SUGCT: variants seen among roughly 807,000 people sequenced by gnomAD.
The protein encoded by SUGCT is succinyl-CoA:glutarate-CoA transferase, also known as succinyl-CoA:glutarate CoA-transferase.
In SUGCT, 41 loss-of-function variants were observed where a neutral mutation model predicts 55.0. The ratio of observed to expected loss-of-function variants is 0.74; its 90% CI spans 0.58 to 0.97. SUGCT has a LOEUF of 0.97. Ranked by LOEUF, SUGCT falls within the 50% of genes least tolerant of loss-of-function variation. SUGCT has a pLI of 0.00. For synonymous variants in SUGCT, 187 were observed against 200.4 expected (o/e 0.93, Z 0.56); for missense variants, 568 against 547.8 (o/e 1.04, Z -0.37).
chr7:40,903,187 A>T, the SUGCT span, among the ~76,000 whole-genome samples: 2 of 151,938 alleles, frequency 1.3e-5, no homozygotes, highest in Non-Finnish European at 1.5e-5. Context: ...GCGTGTCACC[A>T]CTTGCAGGTA....
chr7:40,720,512 A>T (rs1044014591), intron 12 of SUGCT, among the ~76,000 whole-genome samples: 4 of 152,194 alleles, frequency 2.6e-5, no homozygotes, highest in Admixed American at 2.6e-4. Context: ...CCCAAAATGT[A>T]TATGGAATCT....
rs372132697 is a variant in SUGCT, at chr7:40,500,884, A to C, written c.1089+4498A>C. Among the ~76,000 whole-genome samples the C allele has an allele frequency of 3.2e-3, 481 of 151,658 alleles. 3 individuals carry two copies. Among genetic ancestry groups the C allele is most frequent in the African/African-American group, 0.011 (462 of 41,420 alleles). On this transcript the variant is annotated intron_variant, in intron 12 of 13. Transcript: ENST00000335693. ...ACACACACAGACACGCACACACACAAACACATACACATACACATACACACA... is the reference window on the plus strand; with the variant it reads ...ACACACACAGACACGCACACACACACACACATACACATACACATACACACA...
At chr7:40,564,053 G>A (rs1795992894) in intron 12 of SUGCT, among the ~76,000 whole-genome samples, 1 of 152,210 alleles carries the variant, frequency 6.6e-6, no homozygotes, top group Non-Finnish European at 1.5e-5. Flanking sequence ...GGGTTGTTGA[G>A]TTGTAGGTGA....
intron 3 of SUGCT, among the ~76,000 whole-genome samples, chr7:40,182,389 A>G (rs1010469576): frequency 1.3e-5 from 2 of 152,060 alleles, no homozygotes; most frequent in South Asian, 2.1e-4. Flanking sequence ...CAACATGGTG[A>G]AACCTCTTCT....
chr7:40,895,128 T>TAA, the SUGCT span, among the ~76,000 whole-genome samples: 1 of 152,046 alleles, frequency 6.6e-6, no homozygotes, highest in Non-Finnish European at 1.5e-5. Context: ...TATGTAGCCA[T>TAA]AAAAAAGAAT....
chr7:40,312,580 C>T (rs989428848), intron 8 of SUGCT, among the ~76,000 whole-genome samples: 4 of 152,086 alleles, frequency 2.6e-5, no homozygotes, highest in Non-Finnish European at 4.4e-5. Context: ...TGACCTAGCT[C>T]GTTCTAGCTT....
At chr7:40,788,941 G>T (rs1790174174) in intron 13 of SUGCT, among the ~76,000 whole-genome samples, 1 of 152,156 alleles carries the variant, frequency 6.6e-6, no homozygotes, top group South Asian at 2.1e-4. Flanking sequence ...TAGAGCACAG[G>T]CTCCTGGCTG....
intron 7 of SUGCT, among the ~76,000 whole-genome samples, chr7:40,260,341 A>AC (rs35358291): frequency 3.9e-5 from 6 of 152,028 alleles, no homozygotes; most frequent in African/African-American, 9.6e-5. Flanking sequence ...TATAACATAG[A>AC]CCCCCCATAG....
At chr7:40,834,784 G>T (rs1792874182) in intron 13 of SUGCT, among the ~76,000 whole-genome samples, 1 of 152,102 alleles carries the variant, frequency 6.6e-6, no homozygotes, top group Admixed American at 6.5e-5. Context: ...ACCGGCAAAA[G>T]AATGAAGAAA....
At chr7:40,537,190 C>G (rs1309535551) in intron 12 of SUGCT, among the ~76,000 whole-genome samples, 1 of 152,130 alleles carries the variant, frequency 6.6e-6, no homozygotes, top group African/African-American at 2.4e-5. Flanking sequence ...TCATATTGTA[C>G]ACCTGTAAGC....
chr7:40,464,734 A>C (rs1790007549), intron 11 of SUGCT, among the ~76,000 whole-genome samples: 1 of 152,188 alleles, frequency 6.6e-6, no homozygotes, highest in African/African-American at 2.4e-5. Flanking sequence ...CTACTTTGGG[A>C]AAGAAACCAT....
intron 3 of SUGCT, among the ~76,000 whole-genome samples, chr7:40,187,892 C>T (rs1037298021): frequency 1.3e-4 from 19 of 151,950 alleles, no homozygotes; most frequent in African/African-American, 3.9e-4. Context: ...TGGCTGGGTG[C>T]GGTGGCTCAT....
intron 1 of SUGCT, among the ~76,000 whole-genome samples, chr7:40,140,080 GT>G (rs1335021348): frequency 6.6e-6 from 1 of 151,754 alleles, no homozygotes; most frequent in Non-Finnish European, 1.5e-5. Flanking sequence ...TTTTTTGTGT[GT>G]TTAGTAGAGA....
chr7:40,819,580 C>T (rs1791869679), intron 13 of SUGCT, among the ~76,000 whole-genome samples: 1 of 152,118 alleles, frequency 6.6e-6, no homozygotes, highest in South Asian at 2.1e-4. Context: ...CTGTTCATAT[C>T]CTTCACCCAC....
intron 13 of SUGCT, among the ~76,000 whole-genome samples, chr7:40,778,237 C>CTT (rs10667994): frequency 0.46 from 69,491 of 151,800 alleles, 16,249 homozygotes; most frequent in South Asian, 0.63. Flanking sequence ...TCTACAGACT[C>CTT]TAGTATACCT....
chr7:40,924,265 CGTGTGTGTGTGT>C, the SUGCT span, among the ~76,000 whole-genome samples: 1 of 136,018 alleles, frequency 7.4e-6, no homozygotes, highest in Non-Finnish European at 1.7e-5. Flanking sequence ...CTTTCAATTA[CGTGTGTGTGTGT>C]GTGTGTGTGT....
intron 8 of SUGCT, among the ~76,000 whole-genome samples, chr7:40,283,120 T>C (rs1793078206): frequency 6.6e-6 from 1 of 152,202 alleles, no homozygotes; most frequent in East Asian, 1.9e-4. Flanking sequence ...GGAGAAAATA[T>C]TTGCAAAGCA....
chr7:40,413,765 G>T (rs192598716), intron 9 of SUGCT, among the ~76,000 whole-genome samples: 1 of 152,096 alleles, frequency 6.6e-6, no homozygotes, highest in East Asian at 1.9e-4. Context: ...ACATTGATGT[G>T]ATCCATAAAA....
At chr7:40,376,938 A>T (rs1784575779) in intron 9 of SUGCT, among the ~76,000 whole-genome samples, 2 of 151,424 alleles carry the variant, frequency 1.3e-5, no homozygotes, top group Non-Finnish European at 1.5e-5. Flanking sequence ...ACTCCAGTTT[A>T]TATATTTTTT....
Sources: allele counts gnomAD v4.1 joint callset (sites outside exome capture counted in the v4.1 genomes callset), GRCh38; gene constraint gnomAD v4.1.1; transcripts MANE v1.5; gene names NCBI Gene and HGNC (gene_info 2026-07-23, HGNC 2026-07-21).